Variants in BTAF1 observed in about 807,000 individuals in gnomAD.
BTAF1 encodes the protein TATA-binding protein-associated factor 172.
A neutral mutation model predicts 227.1 loss-of-function variants in BTAF1; 38 were observed. That is an observed-to-expected ratio of 0.17 (90% CI 0.13 to 0.22). BTAF1 has a LOEUF of 0.22. Ranked by LOEUF, BTAF1 falls within the 10% of genes least tolerant of loss-of-function variation. The pLI is 1.00. For missense variants in BTAF1, 1,598 were observed against 2,204.0 expected, an observed-to-expected ratio of 0.73 and a Z score of 5.51; for synonymous variants, 742 against 751.9, an observed-to-expected ratio of 0.99 and a Z score of 0.21.
chr10:91,992,256 A>G lies in BTAF1; in HGVS notation c.2992A>G (p.Ile998Val), dbSNP rs1261406296. The change falls in exon 21 of 38, where the codon ATA becomes GTA. Residue 998 changes from isoleucine to valine, a missense_variant. Ile to Val is a conservative substitution (Grantham distance 29). Around this residue, in one of 10 missense-constraint regions of BTAF1, gnomAD observed 425 missense variants for 491.2 expected, o/e 0.87. Transcript: ENST00000265990. ...TACCCCCAAAGCAGTAAAAGCTCAA[A>G]TAGCAGATCTTCCTGCAGGAAGTAG... Reference protein sequence around the residue: ...GPTPKAVKAQIADLPAGSSGN... With the variant: ...GPTPKAVKAQVADLPAGSSGN... 6.2e-7 allele frequency: 1 copy of G among 1,613,766 alleles called. No individual in the cohort carries two copies. The highest frequency in any genetic ancestry group is 1.7e-5 in the Admixed American group (1 of 59,976).
Position 91,992,312 on chromosome 10 carries a change from A to G in BTAF1, c.3045+3A>G, listed in dbSNP as rs779547126. On this transcript the variant is annotated splice_donor_region_variant and intron_variant, in intron 21 of 37. Transcript: ENST00000265990. ...ATATTCTTGTTGAACTTGATGAGGTAAGTAGTTTTTTTTTTTTTTTAATGC... is the reference window on the plus strand; with the variant it reads ...ATATTCTTGTTGAACTTGATGAGGTGAGTAGTTTTTTTTTTTTTTTAATGC... 3.9e-6 allele frequency: 6 copies of G among 1,558,106 alleles called. No homozygotes were observed. The highest frequency in any genetic ancestry group is 3.5e-6 in the Non-Finnish European group (4 of 1,154,978).
At chr10:91,999,739 C>G (rs1200474826) in intron 25 of BTAF1, among the ~76,000 whole-genome samples, 1 of 152,166 alleles carries the variant, frequency 6.6e-6, no homozygotes, top group Non-Finnish European at 1.5e-5. Flanking sequence ...AAATCACCCA[C>G]ATAATCATGG....
intron 2 of BTAF1, among the ~76,000 whole-genome samples, chr10:91,937,779 T>C (rs1255559839): frequency 1.3e-5 from 2 of 152,312 alleles, no homozygotes; most frequent in East Asian, 1.9e-4. Context: ...AGGTTTTTTT[T>C]CCATTCTCCA....
At chr10:92,022,260 A>G (rs1037327788) in intron 34 of BTAF1, among the ~76,000 whole-genome samples, 10 of 152,208 alleles carry the variant, frequency 6.6e-5, no homozygotes, top group African/African-American at 2.4e-4. Flanking sequence ...GTCTTGGAGA[A>G]GTCCTAGTTG....
intron 1 of BTAF1, among the ~76,000 whole-genome samples, chr10:91,931,874 TC>T (rs1844295755): frequency 6.6e-6 from 1 of 152,158 alleles, no homozygotes. Context: ...TGGCTTTAAA[TC>T]AAGAGAATCA....
At chr10:92,008,607 C>G (rs752851299) in intron 26 of BTAF1, among the ~76,000 whole-genome samples, 2 of 151,852 alleles carry the variant, frequency 1.3e-5, no homozygotes, top group Non-Finnish European at 2.9e-5. Flanking sequence ...CCTTGGCCCC[C>G]CAAAGTGCTG....
Position 92,008,961 on chromosome 10 carries a change from A to C in BTAF1, c.3935+11A>C, listed in dbSNP as rs746678246. 6.2e-7 allele frequency: 1 copy of C among 1,612,072 alleles called. No homozygotes were observed. Among genetic ancestry groups the C allele is most frequent in the Non-Finnish European group, 8.5e-7 (1 of 1,179,210 alleles). On this transcript the variant is annotated intron_variant, in intron 27 of 37. Transcript: ENST00000265990. ...AGATCATTGTCATAGGTAATTTAAG[A>C]TGTTATTTTAAAATAAGGTTTCCGG... is the stretch of plus-strand genomic sequence containing the variant.
In BTAF1 at chr10:91,992,149, A is replaced by G; in HGVS notation, c.2885A>G (p.His962Arg). 1.2e-6 allele frequency: 2 copies of G among 1,606,204 alleles called. No homozygotes were observed. The highest frequency in any genetic ancestry group is 8.5e-7 in the Non-Finnish European group (1 of 1,177,046). ...ACCTCAGAAAAAGATGGAATGCACC[A>G]TACTGTCACCAAGCACAGAGGTATA... ...GSTSEKDGMH[H>R]TVTKHRGIIT... Residue 962 changes from histidine (H) to arginine (R), a missense_variant, in exon 21 of 38, where the codon CAT becomes CGT. Transcript: ENST00000265990.
intron 31 of BTAF1, 37 bp from the exon 32 acceptor site, chr10:92,013,862 A>G: frequency 6.2e-7 from 1 of 1,612,842 alleles, no homozygotes; most frequent in South Asian, 1.1e-5. Context: ...TTTATTCTTA[A>G]CTTTTTTGAA....
intron 19 of BTAF1, 32 bp downstream of exon 19, chr10:91,984,436 A>C (rs770895907): frequency 7.1e-5 from 109 of 1,532,120 alleles, no homozygotes; most frequent in Non-Finnish European, 9.5e-5. Context: ...TTAATTAGAG[A>C]TAGAACATGA....
Position 91,935,800 on chromosome 10 carries a change from T to G in BTAF1, c.138+20T>G. 1 of 1,580,714 alleles carries G rather than the reference T, an allele frequency of 6.3e-7. No individual in the cohort carries two copies. Among genetic ancestry groups the G allele is most frequent in the East Asian group, 2.2e-5 (1 of 44,566 alleles). ...TCTAAAGTAAGAACTTTTTTTTTTC[T>G]TTTAGCATAATACAATTGTAGAGAC... On this transcript the variant is annotated intron_variant, in intron 2 of 37. Transcript: ENST00000265990.
intron 19 of BTAF1, among the ~76,000 whole-genome samples, chr10:91,987,435 A>T (rs1171619898): frequency 3.9e-5 from 6 of 152,026 alleles, no homozygotes; most frequent in Non-Finnish European, 8.8e-5. Flanking sequence ...GTGAACCAAG[A>T]TCACGCCACT....
intron 14 of BTAF1, 57 bp downstream of exon 14, chr10:91,966,814 A>C: frequency 6.6e-7 from 1 of 1,515,134 alleles, no homozygotes; most frequent in Middle Eastern, 1.9e-4. Context: ...TTTATAAAAT[A>C]AACCTGGTCT....
At position 91,982,190 on chromosome 10, in the gene BTAF1, T is replaced by C. The variant is rs1265664639; in HGVS notation, c.2013T>C (p.Asp671=). 1 of 1,613,898 alleles carries C rather than the reference T, an allele frequency of 6.2e-7. No homozygotes were observed. The highest frequency in any genetic ancestry group is 1.7e-5 in the Admixed American group (1 of 59,992). ...TCATGGAAGACCCAGCCACCAGGGATTTTGTAGTTATGCGGGCCAGAATGA... is the reference window on the plus strand; with the variant it reads ...TCATGGAAGACCCAGCCACCAGGGACTTTGTAGTTATGCGGGCCAGAATGA... ...DTIMEDPATR[D]FVVMRARMMA... is the part of the protein sequence containing the mutation. Residue 671 remains aspartate, a synonymous_variant, in exon 17 of 38, where the codon GAT becomes GAC. Transcript: ENST00000265990.
At chr10:92,011,477 G>A (rs1463632181) in intron 30 of BTAF1, 62 bp downstream of exon 30, 2 of 798,734 alleles carry the variant, frequency 2.5e-6, no homozygotes, top group Non-Finnish European at 3.4e-6. Context: ...TTTGCCAGGT[G>A]GAGGGTAGGC....
At position 92,026,738 on chromosome 10, in the gene BTAF1, A is replaced by G. The variant is rs772349597; in HGVS notation, c.5222A>G (p.His1741Arg). Residue 1741 changes from histidine to arginine, a missense_variant, in exon 36 of 38, where the codon CAT becomes CGT. His to Arg is a conservative substitution (Grantham distance 29). Around this residue, in one of 10 missense-constraint regions of BTAF1, gnomAD observed 20 missense variants for 56.8 expected, o/e 0.35. Coordinates refer to ENST00000265990, the MANE Select transcript of BTAF1 (RefSeq NM_003972.3). ...MRDLQAMDRA[H>R]RIGQKRVVNV... ...GATCTACAAGCCATGGACCGGGCCCATCGCATTGGGCAGGTAAAAGTCAAT... is the reference window on the plus strand; with the variant it reads ...GATCTACAAGCCATGGACCGGGCCCGTCGCATTGGGCAGGTAAAAGTCAAT... 1.9e-6 allele frequency: 3 copies of G among 1,613,512 alleles called. No individual in the cohort carries two copies. Among genetic ancestry groups the G allele is most frequent in the Non-Finnish European group, 2.5e-6 (3 of 1,179,778 alleles).
At chr10:91,935,813 C>T (rs1418089128) in intron 2 of BTAF1, 33 bp downstream of exon 2, 1 of 1,533,962 alleles carries the variant, frequency 6.5e-7, no homozygotes, top group South Asian at 1.2e-5. Flanking sequence ...TAGCATAATA[C>T]AATTGTAGAG....
Position 91,981,655 on chromosome 10 carries a change from C to A in BTAF1, c.1768C>A (p.Leu590Met). 1 of 1,607,902 alleles carries A rather than the reference C, an allele frequency of 6.2e-7. No homozygotes were observed. The highest frequency in any genetic ancestry group is 8.5e-7 in the Non-Finnish European group (1 of 1,178,156). Reference sequence around the variant, plus strand: ...TTTTACCCTGCAGGTTTGGATGGAACTGTTGAGTAAGGCTTCAGTTCAGTA... The same window carrying A: ...TTTTACCCTGCAGGTTTGGATGGAAATGTTGAGTAAGGCTTCAGTTCAGTA... The part of the protein sequence containing the change: ...LDLIHKVWME[L>M]LSKASVQYVV... The change falls in exon 16 of 38, where the codon CTG (leucine) becomes ATG (methionine). Residue 590 changes from leucine (L) to methionine (M), a missense_variant. Physicochemically the swap from Leu to Met is conservative, Grantham distance 15 (BLOSUM62 2). Transcript: ENST00000265990.
At chr10:92,019,070 T>C (rs1306549488) in intron 34 of BTAF1, 135 bp downstream of exon 34, 2 of 915,946 alleles carry the variant, frequency 2.2e-6, no homozygotes, top group African/African-American at 3.4e-5. Flanking sequence ...GATACAGCTT[T>C]TTGTAAAAAT....
Sources: allele counts gnomAD v4.1 joint callset (sites outside exome capture counted in the v4.1 genomes callset), GRCh38; gene constraint gnomAD v4.1.1; regional missense constraint gnomAD v4.1.1; transcripts MANE v1.5; gene names NCBI Gene and HGNC (gene_info 2026-07-23, HGNC 2026-07-21).